Variants in CDH13 observed in about 807,000 individuals in gnomAD.
CDH13 encodes the protein cadherin 13, also known as cadherin-13.
CDH13 carries 24 observed loss-of-function variants against 63.8 expected under a neutral mutation model. The observed-to-expected ratio is 0.38, with a 90% CI of 0.27 to 0.53. The LOEUF (loss-of-function observed/expected upper bound fraction) is 0.53. CDH13 is among the 20% of genes least tolerant of loss of function. CDH13 has a pLI of 0.85. For synonymous variants in CDH13, 503 were observed against 355.3 expected, an observed-to-expected ratio of 1.42 and a Z score of -4.67; for missense variants, 1,049 against 903.1, an observed-to-expected ratio of 1.16 and a Z score of -2.07.
intron 5 of CDH13, among the ~76,000 whole-genome samples, chr16:83,289,985 G>A (rs1029643245): frequency 6.6e-6 from 1 of 152,086 alleles, no homozygotes; most frequent in Non-Finnish European, 1.5e-5. Flanking sequence ...CTAATCACCA[G>A]CTTCTCCCCA....
intron 4 of CDH13, among the ~76,000 whole-genome samples, chr16:83,149,188 T>C (rs1417780958): frequency 6.6e-6 from 1 of 152,182 alleles, no homozygotes; most frequent in African/African-American, 2.4e-5. Flanking sequence ...GCAACTAATT[T>C]CCTGTAGCTT....
chr16:83,039,584 C>T (rs1216548931), intron 3 of CDH13, among the ~76,000 whole-genome samples: 2 of 152,150 alleles, frequency 1.3e-5, no homozygotes, highest in Non-Finnish European at 2.9e-5. Flanking sequence ...ACAGTCTCTT[C>T]CCTGCCTCCC....
intron 7 of CDH13, among the ~76,000 whole-genome samples, chr16:83,568,629 A>G (rs1904312778): frequency 6.6e-6 from 1 of 152,204 alleles, no homozygotes; most frequent in Admixed American, 6.5e-5. Context: ...AAGGGCACCA[A>G]CAATAAATGC....
intron 1 of CDH13, among the ~76,000 whole-genome samples, chr16:82,782,561 A>AT (rs200065630): frequency 0.3 from 45,817 of 151,104 alleles, 7,473 homozygotes; most frequent in South Asian, 0.46. Context: ...CAAAAAAAAA[A>AT]AAAAATAATA....
intron 1 of CDH13, among the ~76,000 whole-genome samples, chr16:82,790,477 T>C (rs1487832684): frequency 2.6e-5 from 4 of 152,158 alleles, no homozygotes; most frequent in Admixed American, 2.0e-4. Context: ...CTGATTACTT[T>C]AGATAAACAT....
At chr16:83,342,843 G>GTTTTTTTTTTTTTTTTTTTTTTTTTTTTT (rs778316746) in intron 5 of CDH13, among the ~76,000 whole-genome samples, 1 of 65,316 alleles carries the variant, frequency 1.5e-5, no homozygotes, top group Non-Finnish European at 2.6e-5. Context: ...TTTTGTTTCT[G>GTTTTTTTTTTTTTTTTTTTTTTTTTTTTT]TTTTTTTTTT....
chr16:83,191,505 A>ATATATATG (rs1491422081), intron 4 of CDH13, among the ~76,000 whole-genome samples: 5 of 73,972 alleles, frequency 6.8e-5, no homozygotes, highest in African/African-American at 1.3e-4. Flanking sequence ...ATATATATAT[A>ATATATATG]CACACACACA....
chr16:83,277,323 C>G (rs953151970), intron 5 of CDH13, among the ~76,000 whole-genome samples: 1 of 152,180 alleles, frequency 6.6e-6, no homozygotes, highest in Non-Finnish European at 1.5e-5. Context: ...TGTCAGATAA[C>G]TATGTTCTCC....
intron 2 of CDH13, among the ~76,000 whole-genome samples, chr16:83,025,941 T>C (rs545441235): frequency 6.6e-6 from 1 of 152,280 alleles, no homozygotes; most frequent in East Asian, 1.9e-4. Flanking sequence ...ATCATAATCT[T>C]GGGAGAGAGT....
At chr16:83,379,464 C>T (rs528603749) in intron 6 of CDH13, among the ~76,000 whole-genome samples, 1 of 152,244 alleles carries the variant, frequency 6.6e-6, no homozygotes, top group South Asian at 2.1e-4. Flanking sequence ...TTATGTTTAC[C>T]TTTGCCTAAA....
At chr16:83,388,664 C>G (rs2091726398) in intron 6 of CDH13, among the ~76,000 whole-genome samples, 2 of 152,068 alleles carry the variant, frequency 1.3e-5, no homozygotes, top group African/African-American at 2.4e-5. Context: ...GTTGGTGTAC[C>G]CCATCCAGAT....
chr16:82,784,488 T>G (rs992169622), intron 1 of CDH13, among the ~76,000 whole-genome samples: 5 of 152,152 alleles, frequency 3.3e-5, no homozygotes, highest in African/African-American at 9.7e-5. Context: ...TTTATCCTTG[T>G]CATTTATTGA....
intron 2 of CDH13, among the ~76,000 whole-genome samples, chr16:82,946,312 G>A (rs1400539171): frequency 6.6e-6 from 1 of 152,018 alleles, no homozygotes; most frequent in Admixed American, 6.6e-5. Context: ...AACATCAGCA[G>A]CTTCTCAAAA....
At chr16:83,123,928 G>C (rs149075914) in intron 3 of CDH13, among the ~76,000 whole-genome samples, 1 of 152,038 alleles carries the variant, frequency 6.6e-6, no homozygotes, top group East Asian at 1.9e-4. Context: ...TCGCATTGTC[G>C]TTTCAATTTG....
intron 3 of CDH13, among the ~76,000 whole-genome samples, chr16:83,072,120 A>G (rs114959616): frequency 0.019 from 2,862 of 152,264 alleles, 88 homozygotes; most frequent in African/African-American, 0.065. Flanking sequence ...AAATTGTTCC[A>G]TCTTTTTGGT....
intron 1 of CDH13, among the ~76,000 whole-genome samples, chr16:82,755,181 C>A (rs2034567829): frequency 6.6e-6 from 1 of 152,186 alleles, no homozygotes; most frequent in African/African-American, 2.4e-5. Flanking sequence ...AGAAAATTTG[C>A]CAGTGCCTGC....
chr16:83,313,134 A>G (rs1368084243), intron 5 of CDH13, among the ~76,000 whole-genome samples: 1 of 152,198 alleles, frequency 6.6e-6, no homozygotes, highest in Non-Finnish European at 1.5e-5. Context: ...AAACTGTTTT[A>G]AACACTTGTA....
At chr16:82,944,934 CA>C (rs1440108549) in intron 2 of CDH13, among the ~76,000 whole-genome samples, 1 of 151,968 alleles carries the variant, frequency 6.6e-6, no homozygotes, top group Non-Finnish European at 1.5e-5. Context: ...AAAAAATACA[CA>C]GGGGGAAATA....
At chr16:82,864,985 C>T (rs1055980911) in intron 2 of CDH13, among the ~76,000 whole-genome samples, 3 of 152,192 alleles carry the variant, frequency 2.0e-5, no homozygotes, top group Non-Finnish European at 2.9e-5. Flanking sequence ...CTACAGGCCC[C>T]ACGCAAGTCC....
Sources: gnomAD v4.1 joint callset for allele counts (sites outside exome capture counted in the v4.1 genomes callset) on GRCh38, gnomAD v4.1.1 for gene constraint, MANE v1.5 for transcripts, NCBI Gene and HGNC (gene_info 2026-07-23, HGNC 2026-07-21) for gene names.